CCSER1: variants seen among roughly 807,000 people sequenced by gnomAD.
CCSER1 encodes serine-rich coiled-coil domain-containing protein 1.
Under a neutral mutation model 82.0 loss-of-function variants are expected in CCSER1, and 41 were observed. The observed-to-expected ratio is 0.50, with a 90% CI of 0.39 to 0.65. The LOEUF (loss-of-function observed/expected upper bound fraction) is 0.65, where lower values mean the gene tolerates loss of function less well. Ranked by LOEUF, CCSER1 falls within the 30% of genes least tolerant of loss-of-function variation. The pLI is 0.00. For synonymous variants in CCSER1, 414 were observed against 383.9 expected (o/e 1.08, Z -0.92); for missense variants, 1,119 against 1,064.2 (o/e 1.05, Z -0.72).
chr4:91,159,653 G>T (rs1290395309), intron 10 of CCSER1, among the ~76,000 whole-genome samples: 1 of 151,896 alleles, frequency 6.6e-6, no homozygotes, highest in Non-Finnish European at 1.5e-5. Context: ...TTAGTAGTTT[G>T]TCAGAAAGAA....
chr4:91,148,735 T>C (rs1020954962), intron 10 of CCSER1, among the ~76,000 whole-genome samples: 4 of 152,124 alleles, frequency 2.6e-5, no homozygotes, highest in African/African-American at 7.2e-5. Flanking sequence ...ACATGTGGTG[T>C]TTGGTTTTCT....
chr4:90,509,114 G>A (rs932858433), intron 5 of CCSER1, among the ~76,000 whole-genome samples: 4 of 152,094 alleles, frequency 2.6e-5, no homozygotes, highest in South Asian at 4.1e-4. Context: ...GAATTAATAC[G>A]TTTTTGCTAT....
intron 8 of CCSER1, among the ~76,000 whole-genome samples, chr4:90,896,207 T>C (rs1723687458): frequency 6.6e-6 from 1 of 151,958 alleles, no homozygotes. Flanking sequence ...GTACAAGGAA[T>C]CTGCACGAAG....
chr4:90,735,850 A>C (rs1373069409), intron 7 of CCSER1, among the ~76,000 whole-genome samples: 1 of 152,110 alleles, frequency 6.6e-6, no homozygotes, highest in Non-Finnish European at 1.5e-5. Flanking sequence ...TATAACTATA[A>C]ATTTCCCTCT....
intron 10 of CCSER1, among the ~76,000 whole-genome samples, chr4:91,222,482 A>G (rs150959130): frequency 1.2e-4 from 18 of 152,268 alleles, no homozygotes; most frequent in African/African-American, 4.1e-4. Context: ...TATTCCTCAT[A>G]CTATACCTTT....
chr4:90,254,398 C>T (rs1722907811), intron 1 of CCSER1, among the ~76,000 whole-genome samples: 1 of 152,176 alleles, frequency 6.6e-6, no homozygotes, highest in Admixed American at 6.6e-5. Context: ...TTCTTGTCAA[C>T]TTGATATTAT....
At chr4:90,486,275 T>C (rs190690345) in intron 5 of CCSER1, among the ~76,000 whole-genome samples, 56 of 152,354 alleles carry the variant, frequency 3.7e-4, no homozygotes, top group African/African-American at 1.3e-3. Flanking sequence ...CTGGACTATT[T>C]TTTAACCTCT....
At chr4:90,375,849 A>C (rs543551315) in intron 3 of CCSER1, among the ~76,000 whole-genome samples, 1 of 152,280 alleles carries the variant, frequency 6.6e-6, no homozygotes, top group African/African-American at 2.4e-5. Context: ...GATTAACCTG[A>C]GGCAGTCCCT....
chr4:91,485,400 G>A (rs1041338690), intron 10 of CCSER1, among the ~76,000 whole-genome samples: 14 of 152,068 alleles, frequency 9.2e-5, no homozygotes, highest in Non-Finnish European at 2.1e-4. Flanking sequence ...CCTTTCTTTT[G>A]TGGCACAAAG....
At chr4:91,439,082 C>A (rs1431136362) in intron 10 of CCSER1, among the ~76,000 whole-genome samples, 1 of 152,096 alleles carries the variant, frequency 6.6e-6, no homozygotes, top group African/African-American at 2.4e-5. Context: ...GGAGAACTTC[C>A]CCAATCTAGC....
At chr4:91,406,983 A>C (rs1388705804) in intron 10 of CCSER1, among the ~76,000 whole-genome samples, 1 of 152,218 alleles carries the variant, frequency 6.6e-6, no homozygotes, top group Non-Finnish European at 1.5e-5. Context: ...AATATTGCAA[A>C]GCAGACAATC....
intron 1 of CCSER1, among the ~76,000 whole-genome samples, chr4:90,215,473 A>G (rs536456929): frequency 6.6e-6 from 1 of 152,264 alleles, no homozygotes; most frequent in African/African-American, 2.4e-5. Context: ...AAGTTTAATG[A>G]GGGGTGAGTA....
intron 1 of CCSER1, among the ~76,000 whole-genome samples, chr4:90,307,295 C>G (rs775368522): frequency 2.6e-5 from 4 of 151,988 alleles, no homozygotes; most frequent in Non-Finnish European, 4.4e-5. Flanking sequence ...CATAAATGTT[C>G]TATGCTTCTG....
chr4:91,012,709 A>AGTCCCTCAGGACTGAGTT (rs1554056698), intron 9 of CCSER1, among the ~76,000 whole-genome samples: 3 of 137,328 alleles, frequency 2.2e-5, no homozygotes, highest in Admixed American at 7.2e-5. Flanking sequence ...TCCAACTCTA[A>AGTCCCTCAGGACTGAGTT]GATAATGTAG....
intron 4 of CCSER1, among the ~76,000 whole-genome samples, chr4:90,404,989 C>T (rs1217357609): frequency 3.9e-5 from 6 of 151,964 alleles, no homozygotes; most frequent in Non-Finnish European, 1.5e-5. Context: ...ACCAGCTCAC[C>T]AGCAGTGGAT....
chr4:90,263,657 C>A (rs72877790), intron 1 of CCSER1, among the ~76,000 whole-genome samples: 1 of 151,996 alleles, frequency 6.6e-6, no homozygotes, highest in Non-Finnish European at 1.5e-5. Flanking sequence ...ACAGAGGTGG[C>A]GCTTGAAAAG....
chr4:91,503,991 T>C (rs1759355901), intron 10 of CCSER1, among the ~76,000 whole-genome samples: 1 of 152,218 alleles, frequency 6.6e-6, no homozygotes. Context: ...TATATTCTTT[T>C]ATTACTGTCT....
At chr4:90,913,448 T>C (rs958140707) in intron 8 of CCSER1, among the ~76,000 whole-genome samples, 2 of 152,060 alleles carry the variant, frequency 1.3e-5, no homozygotes, top group Middle Eastern at 3.4e-3. Context: ...TGCTGAGAGA[T>C]TTTGTCACCA....
chr4:91,238,661 T>C (rs1304933946), intron 10 of CCSER1, among the ~76,000 whole-genome samples: 1 of 152,210 alleles, frequency 6.6e-6, no homozygotes, highest in African/African-American at 2.4e-5. Flanking sequence ...TCAATGAAGA[T>C]AATCCAATTG....
Sources: allele counts gnomAD v4.1 joint callset (sites outside exome capture counted in the v4.1 genomes callset), GRCh38; gene constraint gnomAD v4.1.1; transcripts MANE v1.5; gene names NCBI Gene and HGNC (gene_info 2026-07-23, HGNC 2026-07-21).